Variants in PNO1 observed in about 807,000 individuals in gnomAD.
The protein encoded by PNO1 is partner of NOB1 homolog, also known as RNA-binding protein PNO1.
A neutral mutation model predicts 28.4 loss-of-function variants in PNO1; 16 were observed. The observed-to-expected ratio is 0.56, with a 90% CI of 0.38 to 0.85. PNO1 has a LOEUF of 0.85. Ranked by LOEUF, PNO1 falls within the 40% of genes least tolerant of loss-of-function variation. The pLI is 0.00. For missense variants in PNO1, 304 were observed against 312.2 expected (o/e 0.97, Z 0.20); for synonymous variants, 115 against 110.8 (o/e 1.04, Z -0.24).
chr2:68,165,780 TGTAA>T lies in PNO1; in HGVS notation c.620+3120_620+3123del, dbSNP rs539137255. Among the ~76,000 whole-genome samples, 145 of 152,352 alleles carry T rather than the reference TGTAA, an allele frequency of 9.5e-4. 1 individual carries two copies. Among genetic ancestry groups the T allele is most frequent in the African/African-American group, 3.3e-3 (136 of 41,580 alleles). ...TTACTGGTAAATTTATAAGTATATT[TGTAA>T]GTGTTAACCTAAAATTTACTAGTTA... On this transcript the variant is annotated intron_variant, in intron 5 of 6. Transcript: ENST00000263657.
intron 5 of PNO1, among the ~76,000 whole-genome samples, chr2:68,164,530 G>T (rs147261785): frequency 3.4e-4 from 52 of 152,236 alleles, no homozygotes; most frequent in Non-Finnish European, 6.8e-4. Context: ...GGGCGCAGTG[G>T]ATCATGCCCA....
At chr2:68,160,363 A>G (rs1673800052) in intron 2 of PNO1, among the ~76,000 whole-genome samples, 1 of 152,172 alleles carries the variant, frequency 6.6e-6, no homozygotes, top group Non-Finnish European at 1.5e-5. Context: ...TTATGTCCAT[A>G]CTTTTTGGTG....
At chr2:68,162,351 T>C (rs202169380) in intron 4 of PNO1, 26 bp downstream of exon 4, 1 of 856,968 alleles carries the variant, frequency 1.2e-6, no homozygotes, top group Non-Finnish European at 1.5e-6. Context: ...TCTGCGCTCT[T>C]GTGTCGCTGA....
rs190894436 is a variant in PNO1 at position 68,166,371 on chromosome 2, T to G, written c.620+3708T>G. Among the ~76,000 whole-genome samples the G allele has an allele frequency of 3.9e-3, 555 of 143,542 alleles. 2 individuals carry two copies. The highest frequency in any genetic ancestry group is 6.6e-3 in the Non-Finnish European group (444 of 66,782). 94.2% of individuals were successfully genotyped at this position (143,542 alleles called of 152,430 possible). A position where few individuals can be genotyped will look rare whatever the true frequency, so the allele number is the denominator to read the frequency against. ...ATGTTATATGTATTATATACTGTAC[T>G]CTTTCATAAAGTAAGCTAGAGAAAA... On this transcript the variant is annotated intron_variant, in intron 5 of 6. Transcript: ENST00000263657.
At chr2:68,159,284 A>G (rs1472338253) in intron 2 of PNO1, among the ~76,000 whole-genome samples, 1 of 151,672 alleles carries the variant, frequency 6.6e-6, no homozygotes, top group Non-Finnish European at 1.5e-5. Flanking sequence ...GTGTGTATAT[A>G]TATCTTTTTA....
intron 5 of PNO1, among the ~76,000 whole-genome samples, chr2:68,170,935 TGAA>T (rs1487550221): frequency 6.6e-6 from 1 of 152,286 alleles, no homozygotes; most frequent in East Asian, 1.9e-4. Context: ...CCATCAAAGA[TGAA>T]GATTTAGCTG....
chr2:68,173,334 T>C lies in PNO1; in HGVS notation c.621-13T>C, dbSNP rs770907877. 10 of 1,564,810 alleles carry C rather than the reference T, an allele frequency of 6.4e-6. No individual in the cohort carries two copies. The Admixed American group carries it at 1.0e-4, about 16-fold the overall frequency. Reference sequence around the variant, plus strand: ...ATCCCAGCCACTAATTTGTCTCATTTTATTTCTTTCAGGAAAGTTCACATC... The same window carrying C: ...ATCCCAGCCACTAATTTGTCTCATTCTATTTCTTTCAGGAAAGTTCACATC... On this transcript the variant is annotated splice_polypyrimidine_tract_variant and intron_variant, in intron 5 of 6. Transcript: ENST00000263657.
At chr2:68,158,570 C>A (rs1162922308) in intron 2 of PNO1, 41 bp downstream of exon 2, 1 of 1,568,258 alleles carries the variant, frequency 6.4e-7, no homozygotes, top group Non-Finnish European at 8.7e-7. Flanking sequence ...ACCAGGCTTT[C>A]TCTCCTACAG....
intron 2 of PNO1, 110 bp from the exon 3 acceptor site, chr2:68,161,573 G>A (rs1673831574): frequency 1.4e-6 from 1 of 708,140 alleles, no homozygotes; most frequent in Non-Finnish European, 2.5e-6. Context: ...GGGAAAGGTG[G>A]TGGTGAAGGA....
In PNO1 at chr2:68,158,541, C is replaced by A. The variant is rs756658268; in HGVS notation, c.357+12C>A. On this transcript the variant is annotated intron_variant, in intron 2 of 6. Coordinates refer to ENST00000263657, the MANE Select transcript of PNO1 (RefSeq NM_020143.4). ...ATGTAGAAATCAGGGTAAGGAAAAT[C>A]TCAATCATTTCCCAATACACCAGGC... 2.5e-6 allele frequency: 4 copies of A among 1,607,346 alleles called. No homozygotes were observed. Among genetic ancestry groups the A allele is most frequent in the East Asian group, 4.5e-5 (2 of 44,844 alleles).
At chr2:68,170,683 G>A (rs1171999092) in intron 5 of PNO1, among the ~76,000 whole-genome samples, 1 of 139,264 alleles carries the variant, frequency 7.2e-6, no homozygotes, top group East Asian at 2.2e-4. Flanking sequence ...GAGAGGCGGA[G>A]CTTGCAGTGA....
At chr2:68,165,092 C>T (rs948113528) in intron 5 of PNO1, among the ~76,000 whole-genome samples, 5 of 152,008 alleles carry the variant, frequency 3.3e-5, no homozygotes, top group African/African-American at 4.8e-5. Context: ...TGGCCCGGCA[C>T]GGTGGCTCAC....
chr2:68,159,991 T>TA (rs1553400691), intron 2 of PNO1, among the ~76,000 whole-genome samples: 1 of 137,866 alleles, frequency 7.3e-6, no homozygotes, highest in Non-Finnish European at 1.5e-5. Flanking sequence ...TTTTTTGAGA[T>TA]AGAGTCTTGC....
intron 5 of PNO1, among the ~76,000 whole-genome samples, chr2:68,170,243 A>C (rs1386457758): frequency 6.6e-6 from 1 of 152,196 alleles, no homozygotes. Flanking sequence ...AACTAAAAAC[A>C]ATTGGTTCCA....
chr2:68,173,236 C>CA (rs1674178713), intron 5 of PNO1, 111 bp from the exon 6 acceptor site: 1 of 709,580 alleles, frequency 1.4e-6, no homozygotes, highest in Non-Finnish European at 2.5e-6. Context: ...AGGCTTGTCT[C>CA]AGACTCCTGG....
rs543936374 is a variant in PNO1, at chr2:68,169,704, T to A, written c.621-3643T>A. ...ACTTTTTATAATAGATTTGTGTATA[T>A]TTTACGGTAGTAAATAAGATAGACT... On this transcript the variant is annotated intron_variant, in intron 5 of 6. Transcript: ENST00000263657. 3.9e-5 allele frequency among the ~76,000 whole-genome samples: 6 copies of A among 152,386 alleles called. No homozygotes were observed. In the East Asian group the frequency reaches 1.2e-3, roughly 29 times the overall value.
At chr2:68,167,789 C>T (rs571030048) in intron 5 of PNO1, among the ~76,000 whole-genome samples, 1 of 152,310 alleles carries the variant, frequency 6.6e-6, no homozygotes, top group South Asian at 2.1e-4. Flanking sequence ...TTAAAGCCAC[C>T]TCTTTCTAAC....
At chr2:68,172,692 C>T (rs1674161952) in intron 5 of PNO1, among the ~76,000 whole-genome samples, 1 of 152,206 alleles carries the variant, frequency 6.6e-6, no homozygotes, top group East Asian at 1.9e-4. Flanking sequence ...GTAACCAGCT[C>T]TGCCAGTGTG....
intron 3 of PNO1, 94 bp downstream of exon 3, chr2:68,161,860 C>G: frequency 1.3e-6 from 1 of 776,694 alleles, no homozygotes; most frequent in Non-Finnish European, 2.1e-6. Context: ...AAAGGCCAGG[C>G]ACAGTGGCTC....
Sources: gnomAD v4.1 joint callset for allele counts (sites outside exome capture counted in the v4.1 genomes callset) on GRCh38, gnomAD v4.1.1 for gene constraint, MANE v1.5 for transcripts, NCBI Gene and HGNC (gene_info 2026-07-23, HGNC 2026-07-21) for gene names.